FARS2: variants seen among roughly 807,000 people sequenced by gnomAD.
FARS2 encodes phenylalanyl-tRNA synthetase 2, mitochondrial.
Under a neutral mutation model 46.4 loss-of-function variants are expected in FARS2, and 40 were observed. The ratio of observed to expected loss-of-function variants is 0.86; its 90% confidence interval spans 0.67 to 1.12. The LOEUF (loss-of-function observed/expected upper bound fraction) is 1.12, where lower values mean the gene tolerates loss of function less well. Ranked by LOEUF, FARS2 falls within the 50% of genes most tolerant of loss-of-function variation. FARS2 has a pLI of 0.00. For missense variants in FARS2, 513 were observed against 567.9 expected, an observed-to-expected ratio of 0.90 and a Z score of 0.98; for synonymous variants, 234 against 214.9, an observed-to-expected ratio of 1.09 and a Z score of -0.78.
At chr6:5,276,160 T>A (rs1029219987) in intron 1 of FARS2, among the ~76,000 whole-genome samples, 19 of 152,184 alleles carry the variant, frequency 1.2e-4, no homozygotes, top group African/African-American at 4.6e-4. Flanking sequence ...TAAAATAAAT[T>A]TTTTAGTTTC....
rs1582719250 is a variant in FARS2, at chr6:5,670,612, C to T, written c.1217+57292C>T. Among the ~76,000 whole-genome samples, 3 of 152,162 alleles carry T rather than the reference C, an allele frequency of 2.0e-5. 1 individual carries two copies. In the East Asian group the frequency reaches 5.8e-4, roughly 29 times the overall value. On this transcript the variant is annotated intron_variant, in intron 6 of 6. Coordinates refer to ENST00000274680, the MANE Select transcript of FARS2 (RefSeq NM_006567.5). Reference sequence around the variant, plus strand: ...GAATGGCATTTTGGGCAAGTTATTACTTGTACGTACTTTTAGAAACAGTCT... The same window carrying T: ...GAATGGCATTTTGGGCAAGTTATTATTTGTACGTACTTTTAGAAACAGTCT...
At chr6:5,461,580 A>AG (rs1486954505) in intron 4 of FARS2, among the ~76,000 whole-genome samples, 1 of 151,726 alleles carries the variant, frequency 6.6e-6, no homozygotes. Context: ...TTTTTTTGAG[A>AG]GGGGGGTCTC....
intron 6 of FARS2, among the ~76,000 whole-genome samples, chr6:5,708,649 A>C (rs945338573): frequency 1.7e-4 from 26 of 151,038 alleles, no homozygotes; most frequent in African/African-American, 5.8e-4. Flanking sequence ...CTACACCCCC[A>C]CACACCCTTC....
intron 6 of FARS2, 131 bp from the exon 7 acceptor site, chr6:5,771,160 T>G (rs1000855022): frequency 9.6e-6 from 9 of 938,546 alleles, no homozygotes; most frequent in Non-Finnish European, 1.5e-5. Flanking sequence ...TTGTTAGCGG[T>G]AAATGGTACC....
chr6:5,517,628 A>G (rs752664368), intron 4 of FARS2, among the ~76,000 whole-genome samples: 15 of 150,324 alleles, frequency 1.0e-4, no homozygotes, highest in Non-Finnish European at 2.2e-4. Context: ...AAAAAAAAGT[A>G]TAGACATATA....
intron 1 of FARS2, among the ~76,000 whole-genome samples, chr6:5,310,536 A>G (rs964591345): frequency 2.0e-5 from 3 of 152,192 alleles, no homozygotes; most frequent in African/African-American, 7.2e-5. Flanking sequence ...TAAGTAATGA[A>G]AAAGCTCCAT....
chr6:5,420,357 A>C (rs569128463), intron 3 of FARS2, among the ~76,000 whole-genome samples: 1 of 152,286 alleles, frequency 6.6e-6, no homozygotes, highest in Non-Finnish European at 1.5e-5. Context: ...CCAAAGTCTT[A>C]ACTCATTTCA....
intron 4 of FARS2, among the ~76,000 whole-genome samples, chr6:5,434,929 A>T (rs1045561523): frequency 6.6e-6 from 1 of 152,216 alleles, no homozygotes; most frequent in African/African-American, 2.4e-5. Flanking sequence ...TGATGGAGCA[A>T]TGATAGTGGC....
intron 6 of FARS2, among the ~76,000 whole-genome samples, chr6:5,633,623 A>G (rs1008892138): frequency 6.6e-6 from 1 of 152,170 alleles, no homozygotes; most frequent in Non-Finnish European, 1.5e-5. Flanking sequence ...TAAAAAATGT[A>G]TAGGATAAAC....
intron 4 of FARS2, among the ~76,000 whole-genome samples, chr6:5,440,711 G>A (rs561272690): frequency 6.6e-6 from 1 of 152,138 alleles, no homozygotes; most frequent in Non-Finnish European, 1.5e-5. Context: ...GAAGTGGAGG[G>A]GGGGTGTCTC....
chr6:5,650,193 T>C (rs1203042011), intron 6 of FARS2, among the ~76,000 whole-genome samples: 1 of 151,270 alleles, frequency 6.6e-6, no homozygotes, highest in African/African-American at 2.4e-5. Flanking sequence ...GGCCGAGAGA[T>C]GTCACCTGAA....
chr6:5,616,544 T>C (rs895711704), intron 6 of FARS2, among the ~76,000 whole-genome samples: 3 of 152,246 alleles, frequency 2.0e-5, no homozygotes, highest in Admixed American at 2.0e-4. Context: ...ATGAGATATC[T>C]TGGGGATGGG....
rs1057522221 is a variant in FARS2 at position 5,545,220 on chromosome 6, A to G, written c.945A>G (p.Gly315=). 7.4e-6 allele frequency: 12 copies of G among 1,613,996 alleles called. No individual in the cohort carries two copies. The highest frequency in any genetic ancestry group is 1.0e-5 in the Non-Finnish European group (12 of 1,179,900). The change falls in exon 5 of 7, where the codon GGA becomes GGG. Residue 315 remains glycine, a synonymous_variant. Coordinates refer to ENST00000274680, the MANE Select transcript of FARS2 (RefSeq NM_006567.5). ...QDRIGWAFGL[G]LERLAMILYD... ...GAATCGGCTGGGCTTTTGGCCTAGG[A>G]TTAGAAAGGCTAGCCATGATCCTCT...
chr6:5,352,796 A>G (rs954133191), intron 1 of FARS2, among the ~76,000 whole-genome samples: 1 of 151,826 alleles, frequency 6.6e-6, no homozygotes, highest in Non-Finnish European at 1.5e-5. Flanking sequence ...TTTAACTGAC[A>G]CATAATCGTA....
intron 4 of FARS2, among the ~76,000 whole-genome samples, chr6:5,444,484 AAAAAAAAAAGAGAGAG>A (rs1312224196): frequency 7.5e-5 from 7 of 93,620 alleles, no homozygotes; most frequent in Non-Finnish European, 1.4e-4. Flanking sequence ...AAAAAAAAAA[AAAAAAAAAAGAGAGAG>A]AGAGAGAGAG....
chr6:5,564,113 G>A (rs372043859), intron 5 of FARS2, among the ~76,000 whole-genome samples: 1 of 151,498 alleles, frequency 6.6e-6, no homozygotes, highest in East Asian at 1.9e-4. Flanking sequence ...AAATACTACA[G>A]CAATGGAAAC....
intron 3 of FARS2, among the ~76,000 whole-genome samples, chr6:5,412,800 G>A (rs1762008732): frequency 6.6e-6 from 1 of 152,182 alleles, no homozygotes; most frequent in South Asian, 2.1e-4. Flanking sequence ...CTTGGGGAGT[G>A]TTATCCTTCT....
chr6:5,437,804 G>T (rs1031701923), intron 4 of FARS2, among the ~76,000 whole-genome samples: 7 of 152,076 alleles, frequency 4.6e-5, no homozygotes, highest in African/African-American at 1.7e-4. Flanking sequence ...TAAGAGGAAA[G>T]TAGTTTTCTT....
At chr6:5,504,916 C>T (rs1293702736) in intron 4 of FARS2, among the ~76,000 whole-genome samples, 4 of 152,114 alleles carry the variant, frequency 2.6e-5, no homozygotes, top group African/African-American at 9.7e-5. Flanking sequence ...GTCTTTGCCA[C>T]CTCAGTCTCC....
Sources: gnomAD v4.1 joint callset for allele counts (sites outside exome capture counted in the v4.1 genomes callset) on GRCh38, gnomAD v4.1.1 for gene constraint, MANE v1.5 for transcripts, NCBI Gene and HGNC (gene_info 2026-07-23, HGNC 2026-07-21) for gene names.